The following GTF2IRD1 variants were observed in gnomAD, a reference collection of about 807,000 sequenced individuals.
The protein encoded by GTF2IRD1 is GTF2I repeat domain containing 1.
A neutral mutation model predicts 113.2 loss-of-function variants in GTF2IRD1; 26 were observed. The observed-to-expected ratio is 0.23, with a 90% CI of 0.17 to 0.32. The LOEUF (loss-of-function observed/expected upper bound fraction) is 0.32. Ranked by LOEUF, GTF2IRD1 falls within the 10% of genes least tolerant of loss-of-function variation. GTF2IRD1 has a pLI of 1.00. For missense variants in GTF2IRD1, 864 were observed against 1,280.8 expected (o/e 0.67, Z 4.97); for synonymous variants, 484 against 529.1 (o/e 0.91, Z 1.17).
intron 1 of GTF2IRD1, among the ~76,000 whole-genome samples, chr7:74,479,498 G>T (rs1361390277): frequency 1.2e-4 from 19 of 152,140 alleles, no homozygotes; most frequent in Admixed American, 1.2e-3. Flanking sequence ...ATTTCTAGGG[G>T]AGGTGGGTGC....
intron 17 of GTF2IRD1, among the ~76,000 whole-genome samples, chr7:74,549,624 C>T (rs1190673786): frequency 1.3e-5 from 2 of 152,064 alleles, no homozygotes; most frequent in South Asian, 2.1e-4. Context: ...GCCACATGCC[C>T]GGTGTGTCTG....
chr7:74,470,366 C>T (rs528427956), intron 1 of GTF2IRD1, among the ~76,000 whole-genome samples: 12 of 152,224 alleles, frequency 7.9e-5, no homozygotes, highest in South Asian at 2.1e-4. Context: ...CATCTAAGTC[C>T]GTTCATTTTC....
At chr7:74,578,767 G>A (rs189381282) in intron 22 of GTF2IRD1, among the ~76,000 whole-genome samples, 7 of 152,266 alleles carry the variant, frequency 4.6e-5, no homozygotes, top group Non-Finnish European at 7.4e-5. Flanking sequence ...AGGCCACGAC[G>A]GGAGGATCCC....
intron 8 of GTF2IRD1, among the ~76,000 whole-genome samples, chr7:74,528,989 A>ATGGATG (rs1554348004): frequency 1.2e-4 from 16 of 130,750 alleles, no homozygotes; most frequent in African/African-American, 4.0e-4. Flanking sequence ...ATGGATGGAT[A>ATGGATG]GACGGATGGA....
intron 7 of GTF2IRD1, among the ~76,000 whole-genome samples, chr7:74,522,127 A>G (rs183342510): frequency 6.6e-6 from 1 of 152,138 alleles, no homozygotes; most frequent in Non-Finnish European, 1.5e-5. Flanking sequence ...CGTGGCTTTT[A>G]TGACCCATCC....
intron 8 of GTF2IRD1, among the ~76,000 whole-genome samples, chr7:74,527,318 G>A (rs1398280783): frequency 2.6e-5 from 4 of 152,018 alleles, no homozygotes; most frequent in African/African-American, 7.2e-5. Flanking sequence ...GCAAGACCCC[G>A]TCTCTTCAAA....
At chr7:74,511,972 T>C (rs1554343080) in intron 2 of GTF2IRD1, among the ~76,000 whole-genome samples, 17 of 152,170 alleles carry the variant, frequency 1.1e-4, no homozygotes, top group Non-Finnish European at 2.5e-4. Context: ...TGTCCCAGTT[T>C]AGAGATCTTT....
chr7:74,502,573 G>C (rs892917842), intron 1 of GTF2IRD1, among the ~76,000 whole-genome samples: 14 of 152,212 alleles, frequency 9.2e-5, no homozygotes, highest in African/African-American at 3.1e-4. Flanking sequence ...GGCGCTCTGG[G>C]CCGGACTTCT....
intron 1 of GTF2IRD1, among the ~76,000 whole-genome samples, chr7:74,504,122 G>A (rs534778284): frequency 6.6e-6 from 1 of 152,254 alleles, no homozygotes; most frequent in Non-Finnish European, 1.5e-5. Context: ...ATATTCCATG[G>A]TGTGCATGTA....
Position 74,602,368 on chromosome 7 carries a change from T to C in GTF2IRD1, c.2770T>C (p.Trp924Arg). The part of the protein sequence containing the change: ...ASANQISLVQ[W>R]PMYMVDYAGL... ...GTCCCTTTGTCCCTCTCTCTAGCAA[T>C]GGCCAATGTACATGGTGGACTATGC... Residue 924 changes from tryptophan (W) to arginine (R), a missense_variant, in exon 27 of 27, where the codon TGG (tryptophan) becomes CGG (arginine). Coordinates refer to ENST00000424337, the MANE Select transcript of GTF2IRD1 (RefSeq NM_005685.4). 1.9e-6 allele frequency: 3 copies of C among 1,613,128 alleles called. No individual in the cohort carries two copies. Among genetic ancestry groups the C allele is most frequent in the Non-Finnish European group, 2.5e-6 (3 of 1,179,176 alleles).
rs190229447 is a variant in GTF2IRD1 at position 74,595,001 on chromosome 7, C to A, written c.2592-13C>A. Reference sequence around the variant, plus strand: ...TCATTTTCTAACTGCCACCTCATTTCTTTCTTTTTCAGACCCTTTGCAGAA... The same window carrying A: ...TCATTTTCTAACTGCCACCTCATTTATTTCTTTTTCAGACCCTTTGCAGAA... On this transcript the variant is annotated splice_polypyrimidine_tract_variant and intron_variant, in intron 24 of 26. Coordinates refer to ENST00000424337, the MANE Select transcript of GTF2IRD1 (RefSeq NM_005685.4). The A allele has an allele frequency of 1.4e-4, 227 of 1,597,278 alleles. 1 individual carries two copies. In the African/African-American group the frequency reaches 2.7e-3, roughly 19 times the overall value.
At chr7:74,458,413 G>T (rs551789330) in intron 1 of GTF2IRD1, among the ~76,000 whole-genome samples, 1 of 143,736 alleles carries the variant, frequency 7.0e-6, no homozygotes, top group Non-Finnish European at 1.5e-5. Context: ...CTCCAGATAC[G>T]GCAGGAGGGG....
At chr7:74,574,185 A>G (rs1583926716) in intron 22 of GTF2IRD1, among the ~76,000 whole-genome samples, 1 of 110,292 alleles carries the variant, frequency 9.1e-6, no homozygotes, top group East Asian at 2.5e-4. Flanking sequence ...TATTTTTAGT[A>G]GAGACTGGAT....
chr7:74,499,163 C>T (rs188898833), intron 1 of GTF2IRD1, among the ~76,000 whole-genome samples: 1 of 152,322 alleles, frequency 6.6e-6, no homozygotes. Flanking sequence ...CGGAAGGCAC[C>T]CAGGCTGTGT....
At chr7:74,554,359 A>T (rs1179314544) in intron 17 of GTF2IRD1, among the ~76,000 whole-genome samples, 1 of 152,150 alleles carries the variant, frequency 6.6e-6, no homozygotes, top group Non-Finnish European at 1.5e-5. Flanking sequence ...AGGTTGACTC[A>T]TGTCTGGACA....
intron 22 of GTF2IRD1, among the ~76,000 whole-genome samples, chr7:74,569,713 C>T (rs1562878862): frequency 6.6e-6 from 1 of 152,136 alleles, no homozygotes; most frequent in Non-Finnish European, 1.5e-5. Flanking sequence ...GGTCTGAACC[C>T]AGGCAGTGGG....
At chr7:74,593,480 T>A (rs1193067111) in intron 24 of GTF2IRD1, among the ~76,000 whole-genome samples, 2 of 138,350 alleles carry the variant, frequency 1.4e-5, no homozygotes, top group Admixed American at 7.2e-5. Flanking sequence ...ACGCCTGTAA[T>A]CCCAGCACTT....
chr7:74,487,459 C>CT (rs1454984159), intron 1 of GTF2IRD1: 1 of 152,200 alleles, frequency 6.6e-6, no homozygotes, highest in Non-Finnish European at 1.5e-5. Flanking sequence ...AGTCTCCTAT[C>CT]TAAGAACTAA....
rs782618892 is a variant in GTF2IRD1 at position 74,552,865 on chromosome 7, A to C, written c.1917-2309A>C. On this transcript the variant is annotated intron_variant, in intron 17 of 26. Coordinates refer to ENST00000424337, the MANE Select transcript of GTF2IRD1 (RefSeq NM_005685.4). The stretch of plus-strand genomic sequence containing the variant: ...TTTCTATTTTTTGAGACAGAGTCTC[A>C]CTCACTCTATTGCCCAGGCTGGAGT... Among the ~76,000 whole-genome samples the C allele has an allele frequency of 5.9e-5, 9 of 152,074 alleles. No homozygotes were observed. The South Asian group carries it at 1.9e-3, about 31-fold the overall frequency.
Sources: allele counts gnomAD v4.1 joint callset (sites outside exome capture counted in the v4.1 genomes callset), GRCh38; gene constraint gnomAD v4.1.1; transcripts MANE v1.5; gene names NCBI Gene and HGNC (gene_info 2026-07-23, HGNC 2026-07-21).